The following C9orf85 variants were observed in gnomAD, a reference collection of about 807,000 sequenced individuals.
C9orf85 encodes chromosome 9 open reading frame 85, also known as uncharacterized protein C9orf85.
In C9orf85, 16 loss-of-function variants were observed where a neutral mutation model predicts 14.9. The ratio of observed to expected loss-of-function variants is 1.08; its 90% confidence interval spans 0.73 to 1.63. The LOEUF (loss-of-function observed/expected upper bound fraction) is 1.63. C9orf85 is among the 40% of genes most tolerant of loss of function. The pLI is 0.00. For synonymous variants in C9orf85, 45 were observed against 56.8 expected, an observed-to-expected ratio of 0.79 and a Z score of 0.93; for missense variants, 172 against 186.1, an observed-to-expected ratio of 0.92 and a Z score of 0.44.
At chr9:71,978,213 G>C (rs1823039504), downstream of C9orf85, among the ~76,000 whole-genome samples, 1 of 152,162 alleles carries the variant, frequency 6.6e-6, no homozygotes, top group South Asian at 2.1e-4. Flanking sequence ...GGTTTCAAGA[G>C]ATTCTCTGGC....
chr9:71,926,055 A>G (rs1827923762), intron 1 of C9orf85, among the ~76,000 whole-genome samples: 1 of 152,224 alleles, frequency 6.6e-6, no homozygotes, highest in Non-Finnish European at 1.5e-5. Context: ...TTAGAAGCAA[A>G]ATGCTTCCTG....
chr9:71,929,131 G>T (rs1343210766), intron 1 of C9orf85, among the ~76,000 whole-genome samples: 1 of 152,122 alleles, frequency 6.6e-6, no homozygotes, highest in Non-Finnish European at 1.5e-5. Context: ...TCTTACACCT[G>T]CCCCAAGTAA....
intron 1 of C9orf85, chr9:71,912,115 G>A (rs1827517625): frequency 4.5e-6 from 2 of 445,276 alleles, no homozygotes; most frequent in Admixed American, 3.3e-5. Context: ...GGGCAGTTAC[G>A]TCGTTCAGCG....
At chr9:71,949,126 A>C (rs1265655079) in intron 2 of C9orf85, among the ~76,000 whole-genome samples, 1 of 152,324 alleles carries the variant, frequency 6.6e-6, no homozygotes, top group Admixed American at 6.5e-5. Flanking sequence ...ATTCCTATAA[A>C]GGTATTTTAA....
downstream of C9orf85, chr9:71,984,623 A>T (rs1246527103): frequency 6.6e-6 from 1 of 152,338 alleles, no homozygotes; most frequent in Non-Finnish European, 1.5e-5. Flanking sequence ...CATGCTTAGC[A>T]TAGCTAGGAG....
At chr9:71,974,433 G>A (rs1229358386), downstream of C9orf85, among the ~76,000 whole-genome samples, 3 of 151,798 alleles carry the variant, frequency 2.0e-5, no homozygotes, top group East Asian at 1.9e-4. Context: ...TAGTAGAGAC[G>A]AAGTTTCACC....
At position 71,964,331 on chromosome 9, in the gene C9orf85, A is replaced by G. The variant is rs574550423; in HGVS notation, c.210-7174A>G. Among the ~76,000 whole-genome samples, 19 of 152,158 alleles carry G rather than the reference A, an allele frequency of 1.2e-4. No homozygotes were observed. In the South Asian group the frequency reaches 3.5e-3, roughly 28 times the overall value. On this transcript the variant is annotated intron_variant, in intron 2 of 3. Coordinates refer to ENST00000334731, the MANE Select transcript of C9orf85 (RefSeq NM_182505.5). ...CAGGCTGCCCCAGCCAGCAGTGGCA[A>G]CCTGCTGGGGTCCCCTTCCACACTG...
At chr9:71,937,061 T>G (rs964386206) in intron 1 of C9orf85, among the ~76,000 whole-genome samples, 20 of 152,210 alleles carry the variant, frequency 1.3e-4, no homozygotes, top group African/African-American at 4.6e-4. Flanking sequence ...ACCTGGCCTG[T>G]TGAAACTTTC....
Position 71,946,968 on chromosome 9 carries a change from C to T in C9orf85, c.103-38C>T, listed in dbSNP as rs376875575. On this transcript the variant is annotated intron_variant, in intron 1 of 3. Transcript: ENST00000334731. ...ATGGGATTTGCAATGCTGGCTCACG[C>T]GTGAAATTCTCAATTTGTCTTTCTG... The T allele has an allele frequency of 2.1e-4, 309 of 1,463,602 alleles. 2 individuals carry two copies. In the African/African-American group the frequency reaches 3.5e-3, roughly 17 times the overall value. The allele number at this position is 1,463,602 out of a possible 1,614,324, so 90.7% of individuals were successfully genotyped here.
rs1554705990 is a variant in C9orf85, at chr9:71,921,928, T to TTA, written c.102+10093_102+10094insAT. Among the ~76,000 whole-genome samples the TTA allele has an allele frequency of 5.3e-3, 599 of 113,854 alleles. 5 individuals carry two copies. The highest frequency in any genetic ancestry group is 0.017 in the Middle Eastern group (4 of 230). 74.7% of individuals were successfully genotyped at this position (113,854 alleles called of 152,430 possible). ...GTTTTGGTTGGCTTTTTATTTTTTT[T>TTA]TTATTATTATTATTATTATTATTAT... On this transcript the variant is annotated intron_variant, in intron 1 of 3. Transcript: ENST00000334731.
chr9:71,953,540 T>TA (rs1214814330), intron 2 of C9orf85, among the ~76,000 whole-genome samples: 1 of 152,150 alleles, frequency 6.6e-6, no homozygotes, highest in Non-Finnish European at 1.5e-5. Context: ...CTTTATTCCT[T>TA]AAAAAACTGT....
chr9:71,966,815 G>A (rs1367262781), intron 2 of C9orf85, among the ~76,000 whole-genome samples: 2 of 152,156 alleles, frequency 1.3e-5, no homozygotes, highest in Admixed American at 1.3e-4. Context: ...GCCCCACAGG[G>A]CCTCTGGTAA....
At chr9:71,945,694 T>G (rs1339703609) in intron 1 of C9orf85, among the ~76,000 whole-genome samples, 1 of 152,264 alleles carries the variant, frequency 6.6e-6, no homozygotes, top group Non-Finnish European at 1.5e-5. Flanking sequence ...CAAAAATTGT[T>G]TCTTTCAGAT....
chr9:71,925,424 G>A (rs543871435), intron 1 of C9orf85, among the ~76,000 whole-genome samples: 32 of 152,304 alleles, frequency 2.1e-4, no homozygotes, highest in Non-Finnish European at 4.0e-4. Context: ...GGAGGCTGAG[G>A]CAGGAGTTTT....
intron 1 of C9orf85, among the ~76,000 whole-genome samples, chr9:71,915,084 A>T (rs1051290371): frequency 2.0e-5 from 3 of 151,994 alleles, no homozygotes; most frequent in Middle Eastern, 3.2e-3. Flanking sequence ...CAGGCAATTT[A>T]CCTATAGCTT....
chr9:71,929,547 T>C (rs1219279456), intron 1 of C9orf85, among the ~76,000 whole-genome samples: 1 of 152,166 alleles, frequency 6.6e-6, no homozygotes, highest in Non-Finnish European at 1.5e-5. Context: ...AACAGCATCA[T>C]AGAAAACTAT....
intron 2 of C9orf85, among the ~76,000 whole-genome samples, chr9:71,965,449 G>T (rs1421530717): frequency 3.3e-5 from 5 of 152,064 alleles, no homozygotes; most frequent in Non-Finnish European, 7.3e-5. Flanking sequence ...GACATGTCAA[G>T]GGCGGGCTAG....
intron 1 of C9orf85, among the ~76,000 whole-genome samples, chr9:71,935,160 G>T (rs902924345): frequency 5.9e-5 from 9 of 152,122 alleles, no homozygotes; most frequent in Non-Finnish European, 1.0e-4. Flanking sequence ...ATTACTCTTC[G>T]TGGGAATATG....
chr9:71,947,179 G>A, intron 2 of C9orf85, 67 bp downstream of exon 2: 6 of 1,084,954 alleles, frequency 5.5e-6, no homozygotes, highest in Non-Finnish European at 6.6e-6. Flanking sequence ...TTCATTTCCT[G>A]ATTTTCAAAA....
Sources: allele counts gnomAD v4.1 joint callset (sites outside exome capture counted in the v4.1 genomes callset), GRCh38; gene constraint gnomAD v4.1.1; transcripts MANE v1.5; gene names NCBI Gene and HGNC (gene_info 2026-07-23, HGNC 2026-07-21).